WDR1: variants seen among roughly 807,000 people sequenced by gnomAD.
The protein encoded by WDR1 is WD repeat-containing protein 1.
Under a neutral mutation model 71.9 loss-of-function variants are expected in WDR1, and 21 were observed. The ratio of observed to expected loss-of-function variants is 0.29; its 90% confidence interval spans 0.21 to 0.42. The LOEUF (loss-of-function observed/expected upper bound fraction) is 0.42, where lower values mean the gene tolerates loss of function less well. WDR1 is among the 10% of genes least tolerant of loss of function. The pLI is 1.00. For missense variants in WDR1, 696 were observed against 824.5 expected, an observed-to-expected ratio of 0.84 and a Z score of 1.91; for synonymous variants, 424 against 347.4, an observed-to-expected ratio of 1.22 and a Z score of -2.45.
chr4:10,077,458 G>A lies in WDR1; in HGVS notation c.1570-10C>T, dbSNP rs1244329986. 3.7e-6 allele frequency: 6 copies of A among 1,613,866 alleles called. No individual in the cohort carries two copies. Among genetic ancestry groups the A allele is most frequent in the Non-Finnish European group, 4.2e-6 (5 of 1,179,874 alleles). Reference sequence around the variant, plus strand: ...AAAAAACATTGTTCTCCTAGTTGCAGGTTGAAAACAAGAGAGGTGGCAGGT... The same window carrying A: ...AAAAAACATTGTTCTCCTAGTTGCAAGTTGAAAACAAGAGAGGTGGCAGGT... On this transcript the variant is annotated splice_polypyrimidine_tract_variant and intron_variant, in intron 13 of 14. Coordinates refer to ENST00000499869, the MANE Select transcript of WDR1 (RefSeq NM_017491.5).
At chr4:10,098,224 A>G (rs1307395831) in intron 4 of WDR1, among the ~76,000 whole-genome samples, 1 of 152,210 alleles carries the variant, frequency 6.6e-6, no homozygotes, top group Non-Finnish European at 1.5e-5. Context: ...GGGAACAGTT[A>G]CCATCCCCTA....
At position 10,116,783 on chromosome 4, in the gene WDR1, C is replaced by T; in HGVS notation, c.-117G>A. The T allele has an allele frequency of 8.4e-7, 1 of 1,191,434 alleles. No homozygotes were observed. 73.8% of individuals were successfully genotyped at this position (1,191,434 alleles called of 1,614,324 possible). On this transcript the variant is annotated 5_prime_UTR_variant, in exon 1 of 15. Transcript: ENST00000499869. ...ACTGGAGCCGGAAGGCGGCACCGGG[C>T]GTGCCGGGAGTGGAGTGGGCGGTCC...
chr4:10,096,623 A>G (rs1318165786), intron 5 of WDR1: 4 of 152,264 alleles, frequency 2.6e-5, no homozygotes, highest in African/African-American at 9.6e-5. Context: ...GTCTCTGGAA[A>G]TTCTGCTCAC....
intron 12 of WDR1, 159 bp downstream of exon 12, chr4:10,078,732 G>A: frequency 1.7e-6 from 1 of 594,010 alleles, no homozygotes; most frequent in Non-Finnish European, 2.9e-6. Context: ...GAGATGGCGT[G>A]GCTGGGCCCC....
rs112943882 is a variant in WDR1 at position 10,088,290 on chromosome 4, C to T, written c.717+3G>A. 6.4e-7 allele frequency: 1 copy of T among 1,552,366 alleles called. No homozygotes were observed. Among genetic ancestry groups the T allele is most frequent in the Non-Finnish European group, 8.7e-7 (1 of 1,147,716 alleles). ...CTAGGCCGGGAAACACGCTCATACT[C>T]ACTGCGTAAATCCCACCGTCGTGGG... On this transcript the variant is annotated splice_donor_region_variant and intron_variant, in intron 7 of 14. Coordinates refer to ENST00000499869, the MANE Select transcript of WDR1 (RefSeq NM_017491.5).
rs540120830 is a variant in WDR1 at position 10,099,015 on chromosome 4, G to A, written c.354C>T (p.Ala118=). ...ACTTCTCCCTTCCTTCCCCGACCACGGCGATCCTCTTACTGTCTTCAGTCC... is the reference window on the plus strand; with the variant it reads ...ACTTCTCCCTTCCTTCCCCGACCACAGCGATCCTCTTACTGTCTTCAGTCC... ...IAWTEDSKRI[A]VVGEGREKFG... is the part of the protein sequence containing the mutation. Residue 118 remains alanine, a synonymous_variant, in exon 4 of 15, where the codon GCC becomes GCT. Coordinates refer to ENST00000499869, the MANE Select transcript of WDR1 (RefSeq NM_017491.5). 53 of 1,614,006 alleles carry A rather than the reference G, an allele frequency of 3.3e-5. No individual in the cohort carries two copies. In the East Asian group the frequency reaches 7.6e-4, roughly 23 times the overall value.
At chr4:10,105,618 C>T (rs564326943) in intron 2 of WDR1, among the ~76,000 whole-genome samples, 4 of 152,174 alleles carry the variant, frequency 2.6e-5, no homozygotes, top group Non-Finnish European at 5.9e-5. Context: ...ACTGACATCA[C>T]CAAGTGCTGG....
intron 5 of WDR1, among the ~76,000 whole-genome samples, chr4:10,095,756 G>A (rs1010045399): frequency 1.3e-5 from 2 of 152,226 alleles, no homozygotes; most frequent in Admixed American, 1.3e-4. Context: ...CCCTGTGGCT[G>A]AGGGTGCAGC....
At chr4:10,079,712 G>A (rs534173600) in intron 11 of WDR1, among the ~76,000 whole-genome samples, 1 of 152,200 alleles carries the variant, frequency 6.6e-6, no homozygotes, top group Non-Finnish European at 1.5e-5. Flanking sequence ...CAGCTGTCAT[G>A]AGGGAAGGCA....
At chr4:10,105,175 G>GTATCAACTCTTCTGTGC (rs1050903332) in intron 2 of WDR1, among the ~76,000 whole-genome samples, 1 of 152,124 alleles carries the variant, frequency 6.6e-6, no homozygotes, top group African/African-American at 2.4e-5. Flanking sequence ...CAAGCTATCC[G>GTATCAACTCTTCTGTGC]TATCAACTCT....
chr4:10,116,445 G>T, intron 1 of WDR1: 6 of 815,942 alleles, frequency 7.4e-6, no homozygotes, highest in South Asian at 2.2e-5. Flanking sequence ...CCTCCGGCTC[G>T]GCCCACGGCG....
chr4:10,112,091 C>G (rs1163873773), intron 2 of WDR1, among the ~76,000 whole-genome samples: 1 of 151,754 alleles, frequency 6.6e-6, no homozygotes, highest in East Asian at 1.9e-4. Flanking sequence ...ACAGGGACTA[C>G]TGGCACTACT....
At chr4:10,109,506 C>T (rs1356403296) in intron 2 of WDR1, among the ~76,000 whole-genome samples, 1 of 152,232 alleles carries the variant, frequency 6.6e-6, no homozygotes, top group African/African-American at 2.4e-5. Context: ...AGTGTACAGG[C>T]AGCTCCTTGA....
At position 10,103,969 on chromosome 4, in the gene WDR1, G is replaced by A. The variant is rs755667860; in HGVS notation, c.156C>T (p.Asp52=). Residue 52 remains aspartate, a synonymous_variant, in exon 3 of 15, where the codon GAC becomes GAT. Transcript: ENST00000499869. ...LRNIDNPALA[D]IYTEHAHQVV... ...CCTGATGGGCGTGCTCTGTGTAGAT[G>A]TCAGCAAGGGCTGGGTTCTGCAGGA... 2 of 1,598,792 alleles carry A rather than the reference G, an allele frequency of 1.3e-6. No individual in the cohort carries two copies. Among genetic ancestry groups the A allele is most frequent in the Admixed American group, 1.7e-5 (1 of 58,116 alleles).
chr4:10,099,106 G>A lies in WDR1; in HGVS notation c.263C>T (p.Thr88Met), dbSNP rs369246197. 1.4e-5 allele frequency: 23 copies of A among 1,595,808 alleles called. No homozygotes were observed. Among genetic ancestry groups the A allele is most frequent in the Middle Eastern group, 3.3e-4 (2 of 5,998 alleles). Reference sequence around the variant, plus strand: ...ATACTTCAACAGGTGCTCCTTCTGCGTGGTATCCCAGATCCTCAGCTTCCC... The same window carrying A: ...ATACTTCAACAGGTGCTCCTTCTGCATGGTATCCCAGATCCTCAGCTTCCC... ...VSGKLRIWDT[T>M]QKEHLLKYEY... The change falls in exon 4 of 15, where the codon ACG (threonine) becomes ATG (methionine). Residue 88 changes from threonine (T) to methionine (M), a missense_variant. Thr to Met is a moderately conservative substitution (Grantham distance 81). Coordinates refer to ENST00000499869, the MANE Select transcript of WDR1 (RefSeq NM_017491.5).
intron 14 of WDR1, 182 bp downstream of exon 14, chr4:10,077,122 C>G: frequency 1.1e-6 from 1 of 891,840 alleles, no homozygotes; most frequent in Admixed American, 3.0e-5. Flanking sequence ...TCCCTCAGTA[C>G]GGCCAGCAGC....
At position 10,103,874 on chromosome 4, in the gene WDR1, G is replaced by A. The variant is rs1471967246; in HGVS notation, c.229+22C>T. ...CACCCAGGCCCCCACAGGTGTCCAC[G>A]AGCCTTGCCCCCATACAGTACCTCC... On this transcript the variant is annotated intron_variant, in intron 3 of 14. Transcript: ENST00000499869. The A allele has an allele frequency of 2.1e-5, 29 of 1,393,074 alleles. No homozygotes were observed. The highest frequency in any genetic ancestry group is 4.9e-5 in the South Asian group (4 of 82,372). 86.3% of individuals were successfully genotyped at this position (1,393,074 alleles called of 1,614,324 possible). A position where few individuals can be genotyped will look rare whatever the true frequency, so the allele number is the denominator to read the frequency against.
At chr4:10,115,068 A>G (rs1241992183) in intron 2 of WDR1, among the ~76,000 whole-genome samples, 1 of 152,250 alleles carries the variant, frequency 6.6e-6, no homozygotes, top group Admixed American at 6.5e-5. Context: ...ACCAAGGGAA[A>G]TCAGGCTGAC....
chr4:10,082,038 C>T (rs1765036212), intron 10 of WDR1, among the ~76,000 whole-genome samples: 1 of 152,190 alleles, frequency 6.6e-6, no homozygotes, highest in South Asian at 2.1e-4. Flanking sequence ...CCAAGGCTGG[C>T]TCTGTAAGGG....
Sources: gnomAD v4.1 joint callset for allele counts (sites outside exome capture counted in the v4.1 genomes callset) on GRCh38, gnomAD v4.1.1 for gene constraint, MANE v1.5 for transcripts, NCBI Gene and HGNC (gene_info 2026-07-23, HGNC 2026-07-21) for gene names.